Variants in CNOT4 observed in about 807,000 individuals in gnomAD.
CNOT4 encodes the protein CCR4-associated factor 4.
In CNOT4, 8 loss-of-function variants were observed where a neutral mutation model predicts 73.8. The observed-to-expected ratio is 0.11, with a 90% confidence interval of 0.06 to 0.20. The LOEUF (loss-of-function observed/expected upper bound fraction) is 0.20, where lower values mean the gene tolerates loss of function less well. Among genes scored for constraint, CNOT4 ranks in the 10% least tolerant of loss-of-function variants. The pLI is 1.00. For synonymous variants in CNOT4, 293 were observed against 321.1 expected, an observed-to-expected ratio of 0.91 and a Z score of 0.94; for missense variants, 564 against 883.4, an observed-to-expected ratio of 0.64 and a Z score of 4.58.
At chr7:135,484,870 T>C (rs755083574) in intron 1 of CNOT4, among the ~76,000 whole-genome samples, 7 of 151,604 alleles carry the variant, frequency 4.6e-5, no homozygotes, top group African/African-American at 9.7e-5. Flanking sequence ...GAAAATGAAA[T>C]AGTTAGGTAT....
intron 10 of CNOT4, among the ~76,000 whole-genome samples, chr7:135,385,720 A>C (rs1796087988): frequency 6.6e-6 from 1 of 152,202 alleles, no homozygotes; most frequent in African/African-American, 2.4e-5. Flanking sequence ...CTGTCGGAGC[A>C]GTTACTGAGA....
chr7:135,395,512 T>C (rs566293718), intron 9 of CNOT4, 122 bp downstream of exon 9: 1 of 1,147,300 alleles, frequency 8.7e-7, no homozygotes, highest in South Asian at 1.6e-5. Context: ...AATATTTGCA[T>C]TTTTATTAAA....
chr7:135,390,418 A>G (rs1419706665), intron 10 of CNOT4, among the ~76,000 whole-genome samples: 1 of 152,120 alleles, frequency 6.6e-6, no homozygotes. Context: ...ATCACTTTGT[A>G]GAAAGAAGGC....
intron 2 of CNOT4, among the ~76,000 whole-genome samples, chr7:135,431,266 C>A (rs1798822187): frequency 6.6e-6 from 1 of 151,932 alleles, no homozygotes; most frequent in Non-Finnish European, 1.5e-5. Flanking sequence ...GACCTTGTCT[C>A]TAAAAAAATT....
At chr7:135,478,676 C>A (rs915175222) in intron 1 of CNOT4, among the ~76,000 whole-genome samples, 2 of 152,136 alleles carry the variant, frequency 1.3e-5, no homozygotes, top group African/African-American at 4.8e-5. Context: ...GCACTTCAGC[C>A]TGGGTGACAG....
Position 135,410,599 on chromosome 7 carries a change from T to G in CNOT4, c.737A>C (p.Lys246Thr). Residue 246 changes from lysine to threonine, a missense_variant, in exon 7 of 12, where the codon AAA (lysine) becomes ACA (threonine). Around this residue, in one of 10 missense-constraint regions of CNOT4, gnomAD observed 135 missense variants for 154.0 expected, o/e 0.88. Coordinates refer to ENST00000541284, the MANE Select transcript of CNOT4 (RefSeq NM_001190850.2). The part of the protein sequence containing the change: ...YEQKLLQELY[K>T]LNPNFLQLST... The stretch of plus-strand genomic sequence containing the variant: ...TAGCTGAAGAAAATTGGGATTTAAT[T>G]TATATAATTCTTGAAGTAGCTTCTG... 6.3e-7 allele frequency: 1 copy of G among 1,599,172 alleles called. No individual in the cohort carries two copies. The highest frequency in any genetic ancestry group is 8.5e-7 in the Non-Finnish European group (1 of 1,173,446).
intron 1 of CNOT4, among the ~76,000 whole-genome samples, chr7:135,466,120 G>GTA (rs76603045): frequency 1.3e-5 from 2 of 151,564 alleles, no homozygotes; most frequent in Non-Finnish European, 2.9e-5. Context: ...AGAAAAATTT[G>GTA]TAAATATGTA....
chr7:135,486,835 T>C (rs1173004585), intron 1 of CNOT4, among the ~76,000 whole-genome samples: 1 of 152,200 alleles, frequency 6.6e-6, no homozygotes, highest in Non-Finnish European at 1.5e-5. Flanking sequence ...CAAAACACTT[T>C]TTTTTAAAGA....
chr7:135,508,228 G>A (rs1032044488), intron 1 of CNOT4, among the ~76,000 whole-genome samples: 10 of 152,172 alleles, frequency 6.6e-5, no homozygotes, highest in African/African-American at 2.4e-4. Context: ...TGTAATCTTG[G>A]TTGCTTTTCT....
chr7:135,373,631 G>C (rs899825463), intron 10 of CNOT4, among the ~76,000 whole-genome samples: 1 of 152,228 alleles, frequency 6.6e-6, no homozygotes, highest in African/African-American at 2.4e-5. Context: ...AGGCTGGAGT[G>C]CAATGCTCGA....
intron 1 of CNOT4, among the ~76,000 whole-genome samples, chr7:135,452,529 C>A (rs1800239802): frequency 6.6e-6 from 1 of 152,018 alleles, no homozygotes; most frequent in Non-Finnish European, 1.5e-5. Flanking sequence ...GAGGTCGTAT[C>A]ACTGCATTCC....
chr7:135,372,939 C>A (rs758532725), intron 10 of CNOT4, among the ~76,000 whole-genome samples: 2 of 152,144 alleles, frequency 1.3e-5, no homozygotes, highest in Admixed American at 1.3e-4. Context: ...TTATAGAGAG[C>A]AGTGATTCAC....
chr7:135,497,312 G>A (rs1803654343), intron 1 of CNOT4, among the ~76,000 whole-genome samples: 1 of 152,110 alleles, frequency 6.6e-6, no homozygotes, highest in South Asian at 2.1e-4. Context: ...AAGAGGCTAA[G>A]GTAGGAGAAT....
intron 1 of CNOT4, among the ~76,000 whole-genome samples, chr7:135,483,909 G>A (rs770511038): frequency 6.6e-6 from 1 of 152,178 alleles, no homozygotes; most frequent in Non-Finnish European, 1.5e-5. Flanking sequence ...CCTATAGCTA[G>A]GCCAGGCGTG....
At chr7:135,374,307 G>A (rs908053807) in intron 10 of CNOT4, among the ~76,000 whole-genome samples, 2 of 152,154 alleles carry the variant, frequency 1.3e-5, no homozygotes, top group African/African-American at 4.8e-5. Context: ...TCAAAGTAAT[G>A]TATTCTTTGG....
intron 1 of CNOT4, among the ~76,000 whole-genome samples, chr7:135,485,850 A>G (rs1802686939): frequency 6.6e-6 from 1 of 152,218 alleles, no homozygotes. Flanking sequence ...ACTTAGAGAA[A>G]ATCTTCAGGC....
At chr7:135,391,783 T>G (rs770886006) in intron 10 of CNOT4, among the ~76,000 whole-genome samples, 1 of 152,048 alleles carries the variant, frequency 6.6e-6, no homozygotes, top group Non-Finnish European at 1.5e-5. Flanking sequence ...TACTCTTCAG[T>G]GTTAAGGGAT....
intron 10 of CNOT4, among the ~76,000 whole-genome samples, chr7:135,373,525 C>T (rs1247673176): frequency 4.6e-5 from 7 of 152,104 alleles, no homozygotes; most frequent in Admixed American, 4.6e-4. Context: ...AGAAAAATAC[C>T]AAAAATGGAA....
chr7:135,460,940 T>C (rs981547776), intron 1 of CNOT4, among the ~76,000 whole-genome samples: 1 of 152,246 alleles, frequency 6.6e-6, no homozygotes, highest in Non-Finnish European at 1.5e-5. Flanking sequence ...TCAGGCTACA[T>C]AGGCACATAC....
Sources: allele counts gnomAD v4.1 joint callset (sites outside exome capture counted in the v4.1 genomes callset), GRCh38; gene constraint gnomAD v4.1.1; regional missense constraint gnomAD v4.1.1; transcripts MANE v1.5; gene names NCBI Gene and HGNC (gene_info 2026-07-23, HGNC 2026-07-21).